The following PHTF1 variants were observed in gnomAD, a reference collection of about 807,000 sequenced individuals.
PHTF1 encodes the protein putative homeodomain transcription factor 1, also known as protein PHTF1.
PHTF1 carries 88 observed loss-of-function variants against 102.4 expected under a neutral mutation model. The observed-to-expected ratio is 0.86, with a 90% CI of 0.72 to 1.03. The LOEUF (loss-of-function observed/expected upper bound fraction) is 1.03. Ranked by LOEUF, PHTF1 falls within the 50% of genes least tolerant of loss-of-function variation. PHTF1 has a pLI of 0.00. For synonymous variants in PHTF1, 289 were observed against 305.2 expected, an observed-to-expected ratio of 0.95 and a Z score of 0.55; for missense variants, 814 against 909.5, an observed-to-expected ratio of 0.89 and a Z score of 1.35.
chr1:113,746,069 A>G (rs79198040), intron 3 of PHTF1, among the ~76,000 whole-genome samples: 16,165 of 152,180 alleles, frequency 0.11, 1,083 homozygotes, highest in East Asian at 0.23. Context: ...AAGCAGACAC[A>G]GACATTGAAT....
At chr1:113,749,063 C>T (rs951466014) in intron 3 of PHTF1, among the ~76,000 whole-genome samples, 6 of 152,166 alleles carry the variant, frequency 3.9e-5, no homozygotes, top group African/African-American at 9.7e-5. Flanking sequence ...ACTCTCTTAG[C>T]ATTTTTCAAG....
chr1:113,740,291 G>A (rs1462405109), intron 3 of PHTF1, among the ~76,000 whole-genome samples: 4 of 151,622 alleles, frequency 2.6e-5, no homozygotes, highest in Admixed American at 2.6e-4. Flanking sequence ...GTATCTCATT[G>A]CGGTTTTGAT....
intron 5 of PHTF1, among the ~76,000 whole-genome samples, chr1:113,737,736 C>T (rs1209992795): frequency 6.6e-6 from 1 of 152,064 alleles, no homozygotes; most frequent in East Asian, 1.9e-4. Flanking sequence ...GAGGTCAAGG[C>T]TGCAGTGAGC....
At chr1:113,736,653 G>A (rs1380307336) in intron 5 of PHTF1, among the ~76,000 whole-genome samples, 1 of 152,112 alleles carries the variant, frequency 6.6e-6, no homozygotes, top group East Asian at 1.9e-4. Context: ...GTTGAGGCAC[G>A]AGAATCACTT....
In PHTF1 at chr1:113,699,782, CT is replaced by C; in HGVS notation, c.2063del (p.Lys688ArgfsTer14). The part of the protein sequence containing the change: ...LLTEQINLYL[K>X]MEKKPNKKEQ... Reference sequence around the variant, plus strand: ...CTTTCTTATTTGGCTTTTTTTCCATCTTAAGATATAAATTAATCTAAGGGAA... The same window carrying C: ...CTTTCTTATTTGGCTTTTTTTCCATCTAAGATATAAATTAATCTAAGGGAA... On this transcript the variant is annotated frameshift_variant, in exon 17 of 19. Transcript: ENST00000369604. LOFTEE classifies it high-confidence loss of function. 7.8e-7 allele frequency: 1 copy of C among 1,276,722 alleles called. No individual in the cohort carries two copies. Among genetic ancestry groups the C allele is most frequent in the Non-Finnish European group, 1.1e-6 (1 of 894,360 alleles). 79.1% of individuals were successfully genotyped at this position (1,276,722 alleles called of 1,614,324 possible).
At chr1:113,732,815 T>C (rs12061482) in intron 5 of PHTF1, among the ~76,000 whole-genome samples, 113,500 of 151,960 alleles carry the variant, frequency 0.75, 43,000 homozygotes, top group African/African-American at 0.83. Flanking sequence ...TACTTAATTT[T>C]ACCCTTACAA....
Position 113,759,042 on chromosome 1 carries a change from GGGCC to G in PHTF1, c.-54_-51del. ...TCTCACCTAGTGCCCGTTGCCCCGC[GGGCC>G]GGCGCCCGGGACCTCCGTCCTCAGT... On this transcript the variant is annotated 5_prime_UTR_variant, in exon 1 of 19. It removes the in-frame stop codon of an upstream open reading frame in the 5' UTR. Coordinates refer to ENST00000369604, the MANE Select transcript of PHTF1 (RefSeq NM_001323043.2). 9.8e-7 allele frequency: 1 copy of G among 1,016,704 alleles called. No homozygotes were observed. 63.0% of individuals were successfully genotyped at this position (1,016,704 alleles called of 1,614,324 possible). A position where few individuals can be genotyped will look rare whatever the true frequency, so the allele number is the denominator to read the frequency against.
intron 11 of PHTF1, among the ~76,000 whole-genome samples, chr1:113,708,353 C>T (rs993433266): frequency 3.9e-5 from 6 of 152,130 alleles, no homozygotes; most frequent in South Asian, 4.1e-4. Context: ...CAGCTGGGCG[C>T]GGTGGCTCAC....
At chr1:113,756,066 CAAAA>C (rs1193713468) in intron 3 of PHTF1, among the ~76,000 whole-genome samples, 2 of 57,902 alleles carry the variant, frequency 3.5e-5, no homozygotes, top group Non-Finnish European at 3.6e-5. Context: ...GACTCTGTCT[CAAAA>C]AAAAAAAAAA....
intron 5 of PHTF1, among the ~76,000 whole-genome samples, chr1:113,737,113 T>C (rs950805961): frequency 2.6e-5 from 4 of 152,216 alleles, no homozygotes; most frequent in African/African-American, 9.6e-5. Context: ...GAGATAAATA[T>C]AGTGAAAAAT....
chr1:113,732,201 A>C (rs1217611871), intron 5 of PHTF1, among the ~76,000 whole-genome samples: 1 of 152,140 alleles, frequency 6.6e-6, no homozygotes, highest in Non-Finnish European at 1.5e-5. Flanking sequence ...AAAGCAGAAT[A>C]ATGAAGAAAT....
intron 5 of PHTF1, among the ~76,000 whole-genome samples, chr1:113,734,707 C>T (rs1487092165): frequency 2.0e-5 from 3 of 152,126 alleles, no homozygotes; most frequent in Non-Finnish European, 4.4e-5. Context: ...AGCCTATCCA[C>T]ATTGTAAAAA....
intron 5 of PHTF1, among the ~76,000 whole-genome samples, chr1:113,732,221 G>A (rs1654762554): frequency 6.6e-6 from 1 of 152,222 alleles, no homozygotes; most frequent in Admixed American, 6.5e-5. Flanking sequence ...TACTTGGCCA[G>A]GCGCGGTGGC....
At chr1:113,751,230 T>C (rs1658027637) in intron 3 of PHTF1, among the ~76,000 whole-genome samples, 1 of 152,246 alleles carries the variant, frequency 6.6e-6, no homozygotes, top group African/African-American at 2.4e-5. Context: ...AGTAGCTTTA[T>C]TGAGGTATAA....
intron 7 of PHTF1, among the ~76,000 whole-genome samples, chr1:113,717,835 C>G (rs1225714772): frequency 6.6e-6 from 1 of 152,118 alleles, no homozygotes; most frequent in Non-Finnish European, 1.5e-5. Flanking sequence ...TCAATTACCT[C>G]CCCCTGGGCC....
chr1:113,739,789 G>T (rs965400368), intron 3 of PHTF1, among the ~76,000 whole-genome samples: 1 of 152,084 alleles, frequency 6.6e-6, no homozygotes, highest in African/African-American at 2.4e-5. Flanking sequence ...ACTTCTATGA[G>T]ATCAACTTTT....
chr1:113,698,782 GC>G (rs1200017141), intron 17 of PHTF1: 51 of 202,604 alleles, frequency 2.5e-4, no homozygotes, highest in African/African-American at 1.2e-3. Flanking sequence ...AATCTACACA[GC>G]CTAGCATCTA....
intron 7 of PHTF1, chr1:113,713,715 C>A: frequency 9.3e-6 from 3 of 321,378 alleles, no homozygotes; most frequent in South Asian, 6.8e-5. Context: ...ACAGTCCTCT[C>A]CACATCTTCT....
chr1:113,737,406 G>A (rs1436994776), intron 5 of PHTF1, among the ~76,000 whole-genome samples: 2 of 152,234 alleles, frequency 1.3e-5, no homozygotes, highest in African/African-American at 2.4e-5. Context: ...AGTCTGAAGT[G>A]CAGCGGAGAG....
Sources: gnomAD v4.1 joint callset for allele counts (sites outside exome capture counted in the v4.1 genomes callset) on GRCh38, gnomAD v4.1.1 for gene constraint, MANE v1.5 for transcripts, NCBI Gene and HGNC (gene_info 2026-07-23, HGNC 2026-07-21) for gene names.